Variants in PDE1C observed in about 807,000 individuals in gnomAD.
The protein encoded by PDE1C is dual specificity calcium/calmodulin-dependent 3',5'-cyclic nucleotide phosphodiesterase 1C.
PDE1C carries 62 observed loss-of-function variants against 93.1 expected under a neutral mutation model. That is an observed-to-expected ratio of 0.67 (90% confidence interval 0.54 to 0.82). The LOEUF (loss-of-function observed/expected upper bound fraction) is 0.82. Among genes scored for constraint, PDE1C ranks in the 40% least tolerant of loss-of-function variants. The pLI, the probability that PDE1C is intolerant of heterozygous loss-of-function variation, is 0.00. For missense variants in PDE1C, 742 were observed against 884.6 expected, an observed-to-expected ratio of 0.84 and a Z score of 2.04; for synonymous variants, 325 against 310.1, an observed-to-expected ratio of 1.05 and a Z score of -0.50.
chr7:32,209,558 A>T lies in PDE1C; in HGVS notation c.86-19T>A, dbSNP rs778572746. Reference sequence around the variant, plus strand: ...TTTGCAACTAGAAAAAAAAAAGAGGATGCAATTTAAATAAATAAAGCAATG... The same window carrying T: ...TTTGCAACTAGAAAAAAAAAAGAGGTTGCAATTTAAATAAATAAAGCAATG... On this transcript the variant is annotated intron_variant, in intron 1 of 18. Transcript: ENST00000396193. The T allele has an allele frequency of 4.5e-6, 7 of 1,546,078 alleles. No homozygotes were observed. In the Admixed American group the frequency reaches 1.2e-4, roughly 26 times the overall value.
At chr7:32,055,627 G>T (rs1392513325) in intron 1 of PDE1C, among the ~76,000 whole-genome samples, 2 of 151,864 alleles carry the variant, frequency 1.3e-5, no homozygotes, top group African/African-American at 4.8e-5. Flanking sequence ...GAAATGAGCT[G>T]GAAAAAAAAC....
chr7:31,968,662 A>C (rs1810426328), intron 2 of PDE1C, among the ~76,000 whole-genome samples: 1 of 152,200 alleles, frequency 6.6e-6, no homozygotes, highest in Non-Finnish European at 1.5e-5. Context: ...GTCAATCCTA[A>C]GCCAAAAGAA....
rs2128894370 is a variant in PDE1C at position 32,285,223 on chromosome 7, A to G, written c.85+13428T>C. ...ACGTGGCTGATTCCTCTTCTTTAAA[A>G]CTCCATTCGAAAACTTTCATACATC... On this transcript the variant is annotated intron_variant, in intron 1 of 18. Coordinates refer to the PDE1C transcript ENST00000396193. 1.3e-5 allele frequency among the ~76,000 whole-genome samples: 2 copies of G among 152,018 alleles called. 1 individual carries two copies. The highest frequency in any genetic ancestry group is 4.2e-4 in the South Asian group (2 of 4,810).
At chr7:31,694,058 ATATT>A in the PDE1C span, among the ~76,000 whole-genome samples, 98 of 152,346 alleles carry the variant, frequency 6.4e-4, no homozygotes, top group Non-Finnish European at 9.6e-4. Flanking sequence ...CATTCAACAA[ATATT>A]TATTAATTGC....
chr7:31,642,283 T>G, the PDE1C span: 4 of 1,468,072 alleles, frequency 2.7e-6, no homozygotes, highest in African/African-American at 1.4e-5. Flanking sequence ...AACAGGGCCC[T>G]GTTGCTCATC....
chr7:31,790,453 G>C (rs1584095362), intron 16 of PDE1C, among the ~76,000 whole-genome samples: 1 of 152,220 alleles, frequency 6.6e-6, no homozygotes, highest in East Asian at 1.9e-4. Flanking sequence ...AAATGTCAGT[G>C]CAAAACTGTA....
the PDE1C span, among the ~76,000 whole-genome samples, chr7:31,733,935 C>T: frequency 2.0e-5 from 3 of 152,022 alleles, no homozygotes; most frequent in East Asian, 1.9e-4. Context: ...ACCTGGGAGG[C>T]GGAGGTTGCA....
chr7:32,338,779 G>A (rs1025338883), intron 1 of PDE1C, among the ~76,000 whole-genome samples: 6 of 152,062 alleles, frequency 3.9e-5, no homozygotes, highest in African/African-American at 1.2e-4. Context: ...CGAGGTGGGC[G>A]GATCACGAGG....
At chr7:31,708,823 G>C in the PDE1C span, among the ~76,000 whole-genome samples, 7 of 152,116 alleles carry the variant, frequency 4.6e-5, no homozygotes, top group African/African-American at 1.7e-4. Context: ...CTAGTTTGGA[G>C]TCCCCTTAGT....
intron 2 of PDE1C, among the ~76,000 whole-genome samples, chr7:32,009,112 C>T (rs918406903): frequency 5.3e-5 from 8 of 152,140 alleles, no homozygotes; most frequent in African/African-American, 1.9e-4. Flanking sequence ...ATACATAAAA[C>T]AATGGCTTTC....
intron 17 of PDE1C, among the ~76,000 whole-genome samples, chr7:31,768,608 T>C (rs1045213580): frequency 6.6e-6 from 1 of 152,210 alleles, no homozygotes; most frequent in African/African-American, 2.4e-5. Flanking sequence ...CTTAGGTCCA[T>C]ATTGAAACAT....
chr7:31,990,211 G>A (rs964091341), intron 2 of PDE1C, among the ~76,000 whole-genome samples: 11 of 152,174 alleles, frequency 7.2e-5, no homozygotes, highest in African/African-American at 2.7e-4. Flanking sequence ...GTCATGGGAG[G>A]GACCTGGTGG....
rs144439087 is a variant in PDE1C at position 31,987,569 on chromosome 7, T to C, written c.128+63985A>G. Among the ~76,000 whole-genome samples the C allele has an allele frequency of 7.2e-5, 11 of 152,236 alleles. No homozygotes were observed. The East Asian group carries it at 2.1e-3, about 30-fold the overall frequency. ...TCACAGAGCTTTGTTCTCTGAGTCC[T>C]AGCTCTGAAAAGCACCCAGGTGAAA... On this transcript the variant is annotated intron_variant, in intron 2 of 17. Coordinates refer to ENST00000396191, the MANE Select transcript of PDE1C (RefSeq NM_001191057.4).
At chr7:31,805,702 T>C (rs1786734428) in intron 16 of PDE1C, among the ~76,000 whole-genome samples, 2 of 151,642 alleles carry the variant, frequency 1.3e-5, no homozygotes, top group African/African-American at 2.4e-5. Flanking sequence ...TATCTCTCTG[T>C]AATCCTCTTC....
At chr7:32,028,570 A>G (rs1469780534) in intron 2 of PDE1C, among the ~76,000 whole-genome samples, 1 of 152,108 alleles carries the variant, frequency 6.6e-6, no homozygotes, top group Non-Finnish European at 1.5e-5. Context: ...TTTTTATTAC[A>G]TATTGACTAT....
At chr7:31,754,258 G>A (rs188495000) in intron 17 of PDE1C, among the ~76,000 whole-genome samples, 7 of 152,344 alleles carry the variant, frequency 4.6e-5, no homozygotes, top group African/African-American at 1.7e-4. Flanking sequence ...AGGATGTAAA[G>A]TAATGGGAAC....
chr7:31,962,930 C>T (rs977834695), intron 2 of PDE1C, among the ~76,000 whole-genome samples: 3 of 152,168 alleles, frequency 2.0e-5, no homozygotes, highest in East Asian at 1.9e-4. Flanking sequence ...TGAAAAGACA[C>T]GTCTACCTAG....
At chr7:32,155,739 A>G (rs1226850279) in intron 3 of PDE1C, among the ~76,000 whole-genome samples, 1 of 152,208 alleles carries the variant, frequency 6.6e-6, no homozygotes, top group Non-Finnish European at 1.5e-5. Flanking sequence ...CCTGAGGGAA[A>G]GAACATCTAA....
intron 11 of PDE1C, among the ~76,000 whole-genome samples, chr7:31,835,602 C>T (rs1294953242): frequency 2.0e-5 from 3 of 151,286 alleles, no homozygotes; most frequent in African/African-American, 7.3e-5. Flanking sequence ...CCTTGCATTT[C>T]CTAACAAAAG....
Sources: allele counts gnomAD v4.1 joint callset (sites outside exome capture counted in the v4.1 genomes callset), GRCh38; gene constraint gnomAD v4.1.1; transcripts MANE v1.5; gene names NCBI Gene and HGNC (gene_info 2026-07-23, HGNC 2026-07-21).